SIAH2: variants seen among roughly 807,000 people sequenced by gnomAD.
The protein encoded by SIAH2 is siah E3 ubiquitin protein ligase 2.
In SIAH2, 4 loss-of-function variants were observed where a neutral mutation model predicts 20.4. The ratio of observed to expected loss-of-function variants is 0.20; its 90% CI spans 0.10 to 0.45. The LOEUF (loss-of-function observed/expected upper bound fraction) is 0.45. Among genes scored for constraint, SIAH2 ranks in the 20% least tolerant of loss-of-function variants. SIAH2 has a pLI of 0.99. For synonymous variants in SIAH2, 171 were observed against 192.5 expected (o/e 0.89, Z 0.93); for missense variants, 259 against 440.3 (o/e 0.59, Z 3.69).
chr3:150,745,863 A>G (rs1714200734), intron 1 of SIAH2, among the ~76,000 whole-genome samples: 1 of 152,206 alleles, frequency 6.6e-6, no homozygotes, highest in Non-Finnish European at 1.5e-5. Flanking sequence ...CCTCTATCCT[A>G]GAGCACACAG....
At chr3:150,745,717 G>A (rs1393267653) in intron 1 of SIAH2, among the ~76,000 whole-genome samples, 3 of 151,988 alleles carry the variant, frequency 2.0e-5, no homozygotes, top group African/African-American at 7.3e-5. Context: ...GGATGGTCTC[G>A]ATCTCCTGAC....
In SIAH2 at chr3:150,762,998, G is replaced by C. The variant is rs1714662236; in HGVS notation, c.-149C>G. ...GGGCGGCGGAGACGCTCGGCGCCCG[G>C]CAGGCGGAGGGCTGGACCGCGCTGA... On this transcript the variant is annotated 5_prime_UTR_variant, in exon 1 of 2. Transcript: ENST00000312960. The surrounding 1 kb of genome is among the most constrained non-coding windows in gnomAD (Gnocchi z 6.6). 1 of 913,266 alleles carries C rather than the reference G, an allele frequency of 1.1e-6. No individual in the cohort carries two copies. Among genetic ancestry groups the C allele is most frequent in the Non-Finnish European group, 1.3e-6 (1 of 740,894 alleles). 56.6% of individuals were successfully genotyped at this position (913,266 alleles called of 1,614,324 possible).
chr3:150,751,469 AAC>A (rs780366923), intron 1 of SIAH2, among the ~76,000 whole-genome samples: 3 of 152,154 alleles, frequency 2.0e-5, no homozygotes, highest in Non-Finnish European at 4.4e-5. Flanking sequence ...ATAGTGCAGT[AAC>A]AGTTTTACAG....
intron 1 of SIAH2, among the ~76,000 whole-genome samples, chr3:150,755,333 T>G (rs1333590687): frequency 3.2e-5 from 4 of 125,056 alleles, no homozygotes; most frequent in Non-Finnish European, 5.1e-5. Flanking sequence ...TTTTTTTTTT[T>G]TTTTTTTTTT....
At chr3:150,744,217 G>A (rs1369042564) in intron 1 of SIAH2, among the ~76,000 whole-genome samples, 1 of 152,184 alleles carries the variant, frequency 6.6e-6, no homozygotes, top group Non-Finnish European at 1.5e-5. Context: ...AAGCAAGGAT[G>A]ACAGCCTCCA....
intron 1 of SIAH2, among the ~76,000 whole-genome samples, chr3:150,753,952 G>A (rs898304585): frequency 6.6e-6 from 1 of 152,082 alleles, no homozygotes; most frequent in Non-Finnish European, 1.5e-5. Flanking sequence ...TAAGAAAAGA[G>A]AATTTAAATG....
chr3:150,742,267 A>G lies in SIAH2; in HGVS notation c.849T>C (p.Ile283=). The part of the protein sequence containing the change: ...RLTWEATPRS[I]HDGVAAAIMN... ...TGATGGCCGCAGCCACACCGTCATG[A>G]ATCGAACGGGGCGTGGCCTCCCAGG... is the stretch of plus-strand genomic sequence containing the variant. Residue 283 remains isoleucine (I), a synonymous_variant, in exon 2 of 2, where the codon ATT becomes ATC. Transcript: ENST00000312960. The surrounding 1 kb of genome is among the most constrained non-coding windows in gnomAD (Gnocchi z 4.8). 1 of 1,614,194 alleles carries G rather than the reference A, an allele frequency of 6.2e-7. No individual in the cohort carries two copies. Among genetic ancestry groups the G allele is most frequent in the Non-Finnish European group, 8.5e-7 (1 of 1,180,030 alleles).
At chr3:150,753,243 A>T (rs1406290926) in intron 1 of SIAH2, among the ~76,000 whole-genome samples, 1 of 152,184 alleles carries the variant, frequency 6.6e-6, no homozygotes, top group Admixed American at 6.5e-5. Flanking sequence ...CAGAGGCAAG[A>T]ACTGGCTAGG....
Position 150,742,723 on chromosome 3 carries a change from C to T in SIAH2, c.418-25G>A, listed in dbSNP as rs770988224. 5 of 1,512,236 alleles carry T rather than the reference C, an allele frequency of 3.3e-6. No homozygotes were observed. The African/African-American group carries it at 4.2e-5, about 13-fold the overall frequency. 93.7% of individuals were successfully genotyped at this position (1,512,236 alleles called of 1,614,324 possible). A position where few individuals can be genotyped will look rare whatever the true frequency, so the allele number is the denominator to read the frequency against. ...ACTGCAAAGAAAGAAATGCATTGAGCCATTGGGCCTTCTCAAAACTTCTAT... is the reference window on the plus strand; with the variant it reads ...ACTGCAAAGAAAGAAATGCATTGAGTCATTGGGCCTTCTCAAAACTTCTAT... On this transcript the variant is annotated intron_variant, in intron 1 of 1. Transcript: ENST00000312960. The surrounding 1 kb of genome is among the most constrained non-coding windows in gnomAD (Gnocchi z 4.8).
Position 150,763,041 on chromosome 3 carries a change from G to A in SIAH2, c.-192C>T. 1 of 494,426 alleles carries A rather than the reference G, an allele frequency of 2.0e-6. No homozygotes were observed. Among genetic ancestry groups the A allele is most frequent in the Non-Finnish European group, 2.7e-6 (1 of 368,162 alleles). The allele number at this position is 494,426 out of a possible 1,614,324, so 30.6% of individuals were successfully genotyped here. A position where few individuals can be genotyped will look rare whatever the true frequency, so the allele number is the denominator to read the frequency against. On this transcript the variant is annotated 5_prime_UTR_variant, in exon 1 of 2. Transcript: ENST00000312960. This position sits in a 1 kb window ranked among gnomAD's most constrained non-coding sequence, Gnocchi z 4.1. ...CGCGCTGATGCACTCCGCAGCCCCC[G>A]GCGTTCCGAGCACGCCTCCGCGTCG...
At chr3:150,744,919 T>C (rs775031220) in intron 1 of SIAH2, among the ~76,000 whole-genome samples, 2 of 152,130 alleles carry the variant, frequency 1.3e-5, no homozygotes, top group Non-Finnish European at 2.9e-5. Flanking sequence ...AATTATTTGA[T>C]TTGCCTTACA....
intron 1 of SIAH2, among the ~76,000 whole-genome samples, chr3:150,745,206 T>C (rs1714182170): frequency 6.6e-6 from 1 of 151,444 alleles, no homozygotes; most frequent in Non-Finnish European, 1.5e-5. Flanking sequence ...CTGGTGCCAC[T>C]TTTATGATGA....
chr3:150,742,763 A>G lies in SIAH2; in HGVS notation c.418-65T>C. On this transcript the variant is annotated intron_variant, in intron 1 of 1. Coordinates refer to ENST00000312960, the MANE Select transcript of SIAH2 (RefSeq NM_005067.7). This position sits in a 1 kb window ranked among gnomAD's most constrained non-coding sequence, Gnocchi z 4.8. Reference sequence around the variant, plus strand: ...AAAACTTCTATTGCTTCAACCCTCTATGAGTACTTAACTACTCCATTTTCC... The same window carrying G: ...AAAACTTCTATTGCTTCAACCCTCTGTGAGTACTTAACTACTCCATTTTCC... 1 of 1,354,690 alleles carries G rather than the reference A, an allele frequency of 7.4e-7. No homozygotes were observed. The allele number at this position is 1,354,690 out of a possible 1,614,324, so 83.9% of individuals were successfully genotyped here. A position where few individuals can be genotyped will look rare whatever the true frequency, so the allele number is the denominator to read the frequency against.
Position 150,762,481 on chromosome 3 carries a change from C to T in SIAH2, c.369G>A (p.Arg123=). The change falls in exon 1 of 2, where the codon AGG becomes AGA. Residue 123 remains arginine, a synonymous_variant. Coordinates refer to ENST00000312960, the MANE Select transcript of SIAH2 (RefSeq NM_005067.7). The surrounding 1 kb of genome is among the most constrained non-coding windows in gnomAD (Gnocchi z 6.6). ...AGGCCACCTTCTCCATAGCCAGGTT[C>T]CTGATGCTGGGCGTCAGGGCGCCCC... The part of the protein sequence containing the change: ...TCRGALTPSI[R]NLAMEKVASA... The T allele has an allele frequency of 6.2e-7, 1 of 1,613,586 alleles. No homozygotes were observed. The highest frequency in any genetic ancestry group is 8.5e-7 in the Non-Finnish European group (1 of 1,179,868).
chr3:150,759,060 T>G (rs781753253), intron 1 of SIAH2, among the ~76,000 whole-genome samples: 5 of 151,952 alleles, frequency 3.3e-5, no homozygotes, highest in Non-Finnish European at 7.4e-5. Context: ...TTTTGTATTT[T>G]TAGTAGAGAC....
At chr3:150,744,280 G>A (rs1714163970) in intron 1 of SIAH2, among the ~76,000 whole-genome samples, 1 of 152,170 alleles carries the variant, frequency 6.6e-6, no homozygotes, top group African/African-American at 2.4e-5. Flanking sequence ...CTTAAAGAAA[G>A]AAATGTAGCT....
chr3:150,756,529 T>C (rs1486715127), intron 1 of SIAH2, among the ~76,000 whole-genome samples: 1 of 152,232 alleles, frequency 6.6e-6, no homozygotes, highest in Admixed American at 6.5e-5. Context: ...CGGGAGAGTC[T>C]ATCCCAATCT....
intron 1 of SIAH2, among the ~76,000 whole-genome samples, chr3:150,759,765 C>T (rs1714564033): frequency 2.0e-5 from 3 of 151,868 alleles, no homozygotes. Context: ...CATCCAATAA[C>T]ATTCCAGATA....
chr3:150,760,461 C>T (rs1184084939), intron 1 of SIAH2, among the ~76,000 whole-genome samples: 1 of 152,210 alleles, frequency 6.6e-6, no homozygotes, highest in Non-Finnish European at 1.5e-5. Flanking sequence ...AACTACTCTT[C>T]AAGGTTGATT....
Sources: allele counts gnomAD v4.1 joint callset (sites outside exome capture counted in the v4.1 genomes callset), GRCh38; gene constraint gnomAD v4.1.1; non-coding constraint Gnocchi (gnomAD v3.1); transcripts MANE v1.5; gene names NCBI Gene and HGNC (gene_info 2026-07-23, HGNC 2026-07-21).